PCLO: variants seen among roughly 807,000 people sequenced by gnomAD.
The protein encoded by PCLO is protein piccolo.
In PCLO, 82 loss-of-function variants were observed where a neutral mutation model predicts 427.5. The observed-to-expected ratio is 0.19, with a 90% CI of 0.16 to 0.23. The LOEUF is 0.23. Ranked by LOEUF, PCLO falls within the 10% of genes least tolerant of loss-of-function variation. PCLO has a pLI of 1.00. For synonymous variants in PCLO, 2,357 were observed against 2,155.4 expected (o/e 1.09, Z -2.59); for missense variants, 6,239 against 6,115.9 (o/e 1.02, Z -0.67).
rs1795322295 is a variant in PCLO at position 82,950,784 on chromosome 7, GAGA to G, written c.9801_9803del (p.Leu3268del). 5.0e-6 allele frequency: 8 copies of G among 1,613,772 alleles called. No individual in the cohort carries two copies. The South Asian group carries it at 7.7e-5, about 16-fold the overall frequency. On this transcript the variant is annotated inframe_deletion, in exon 6 of 25. Transcript: ENST00000333891. ...CTTGCCGCTCTTCTTCTTGCTGAAA[GAGA>G]AGGTGTTGCTTCATAGACTGCAGCT...
At chr7:83,039,262 G>T (rs2116200518) in intron 3 of PCLO, among the ~76,000 whole-genome samples, 1 of 151,820 alleles carries the variant, frequency 6.6e-6, no homozygotes, top group African/African-American at 2.4e-5. Flanking sequence ...TCATACTTTT[G>T]GGGCCAGATC....
chr7:82,887,744 T>C (rs1036695304), intron 9 of PCLO, among the ~76,000 whole-genome samples: 1 of 152,162 alleles, frequency 6.6e-6, no homozygotes, highest in Non-Finnish European at 1.5e-5. Flanking sequence ...TCAGAAGAGA[T>C]TCAATCTGAG....
At chr7:82,823,647 G>A (rs144803297) in intron 19 of PCLO, among the ~76,000 whole-genome samples, 43 of 152,090 alleles carry the variant, frequency 2.8e-4, no homozygotes, top group African/African-American at 9.9e-4. Flanking sequence ...GTATGGCACT[G>A]TTATTTAAAA....
At chr7:82,961,855 G>T (rs1416764454) in intron 4 of PCLO, among the ~76,000 whole-genome samples, 1 of 152,080 alleles carries the variant, frequency 6.6e-6, no homozygotes, top group African/African-American at 2.4e-5. Flanking sequence ...AGATCACCTA[G>T]TTTTAACTAA....
intron 4 of PCLO, among the ~76,000 whole-genome samples, chr7:82,962,896 T>C (rs1257067449): frequency 6.6e-6 from 1 of 151,944 alleles, no homozygotes; most frequent in Non-Finnish European, 1.5e-5. Context: ...TATTTTGTAC[T>C]GAGACAGAGA....
At chr7:82,862,566 C>CAAAAAAAAAAAAAAAAAAA (rs36075501) in intron 10 of PCLO, among the ~76,000 whole-genome samples, 2 of 92,232 alleles carry the variant, frequency 2.2e-5, no homozygotes, top group Admixed American at 1.2e-4. Flanking sequence ...GACTCTGCCT[C>CAAAAAAAAAAAAAAAAAAA]AAAAAAAAAA....
intron 3 of PCLO, among the ~76,000 whole-genome samples, chr7:83,024,262 C>T (rs1788422950): frequency 6.6e-6 from 1 of 152,160 alleles, no homozygotes. Flanking sequence ...CATGCGCGAG[C>T]CGAAGCAGGG....
At chr7:82,987,678 A>C (rs1796286084) in intron 3 of PCLO, among the ~76,000 whole-genome samples, 2 of 152,176 alleles carry the variant, frequency 1.3e-5, no homozygotes, top group Admixed American at 1.3e-4. Flanking sequence ...CACAGAAAAA[A>C]ATCCTAATTC....
intron 2 of PCLO, among the ~76,000 whole-genome samples, chr7:83,153,882 T>C (rs1007355600): frequency 6.7e-6 from 1 of 150,268 alleles, no homozygotes; most frequent in Non-Finnish European, 1.5e-5. Context: ...GCTTTGTATC[T>C]TCTTGTCTCT....
At chr7:82,989,204 C>G (rs1025147067) in intron 3 of PCLO, among the ~76,000 whole-genome samples, 15 of 151,938 alleles carry the variant, frequency 9.9e-5, no homozygotes, top group Admixed American at 3.3e-4. Context: ...TAACTGCTAT[C>G]TGGTGAAAGG....
At chr7:83,121,030 T>G in intron 3 of PCLO, among the ~76,000 whole-genome samples, 1 of 152,140 alleles carries the variant, frequency 6.6e-6, no homozygotes, top group East Asian at 1.9e-4. Context: ...AACTTTTGTA[T>G]CCCAGCACTT....
intron 6 of PCLO, among the ~76,000 whole-genome samples, chr7:82,918,596 T>C (rs1158417689): frequency 1.3e-5 from 2 of 152,082 alleles, no homozygotes; most frequent in African/African-American, 2.4e-5. Context: ...TTTTGAAAAG[T>C]TGTTCCACAA....
chr7:83,057,092 A>AT, intron 3 of PCLO, among the ~76,000 whole-genome samples: 1 of 150,210 alleles, frequency 6.7e-6, no homozygotes. Context: ...ATATATATAT[A>AT]TATTTTTTTG....
Position 82,955,111 on chromosome 7 carries a change from C to G in PCLO, c.5842G>C (p.Gly1948Arg). 7.4e-6 allele frequency: 12 copies of G among 1,613,730 alleles called. No individual in the cohort carries two copies. The highest frequency in any genetic ancestry group is 1.0e-5 in the Non-Finnish European group (12 of 1,179,832). Residue 1948 changes from glycine to arginine, a missense_variant, in exon 5 of 25, where the codon GGT becomes CGT. Coordinates refer to ENST00000333891, the MANE Select transcript of PCLO (RefSeq NM_033026.6). The stretch of plus-strand genomic sequence containing the variant: ...ATATAATCCTCTATTAGCATCCCAC[C>G]ATACAAAGGCTCTTTTTCAAACACT... The part of the protein sequence containing the change: ...DEVFEKEPLY[G>R]GMLIEDYIYE...
intron 3 of PCLO, among the ~76,000 whole-genome samples, chr7:83,069,725 T>C (rs1281670792): frequency 6.6e-6 from 1 of 151,844 alleles, no homozygotes; most frequent in African/African-American, 2.4e-5. Flanking sequence ...TGATCATAAA[T>C]GTCACTCTTT....
chr7:82,984,651 T>G (rs566229866), intron 3 of PCLO, among the ~76,000 whole-genome samples: 1 of 152,072 alleles, frequency 6.6e-6, no homozygotes, highest in South Asian at 2.1e-4. Flanking sequence ...TGTTTATTTG[T>G]TTTTCACAGC....
chr7:82,844,131 T>C (rs1338937252), intron 13 of PCLO, among the ~76,000 whole-genome samples: 3 of 152,208 alleles, frequency 2.0e-5, no homozygotes, highest in Non-Finnish European at 4.4e-5. Context: ...ATTGTATTTT[T>C]ATAACATAGA....
chr7:83,038,076 T>C (rs1788870310), intron 3 of PCLO, among the ~76,000 whole-genome samples: 1 of 49,642 alleles, frequency 2.0e-5, no homozygotes, highest in Non-Finnish European at 3.9e-5. Context: ...TATATATTTA[T>C]ATATATATCT....
At chr7:83,026,759 C>T (rs984021863) in intron 3 of PCLO, among the ~76,000 whole-genome samples, 11 of 151,578 alleles carry the variant, frequency 7.3e-5, no homozygotes, top group Admixed American at 2.0e-4. Context: ...AACTGTCTCT[C>T]AGACCACAGT....
Sources: allele counts gnomAD v4.1 joint callset (sites outside exome capture counted in the v4.1 genomes callset), GRCh38; gene constraint gnomAD v4.1.1; transcripts MANE v1.5; gene names NCBI Gene and HGNC (gene_info 2026-07-23, HGNC 2026-07-21).